Variants in SLC15A1 observed in about 807,000 individuals in gnomAD.
SLC15A1 encodes solute carrier family 15 member 1.
Under a neutral mutation model 92.9 loss-of-function variants are expected in SLC15A1, and 83 were observed. The ratio of observed to expected loss-of-function variants is 0.89; its 90% CI spans 0.75 to 1.07. SLC15A1 has a LOEUF of 1.07. Among genes scored for constraint, SLC15A1 ranks in the 50% least tolerant of loss-of-function variants. The pLI is 0.00. For synonymous variants in SLC15A1, 322 were observed against 318.2 expected (o/e 1.01, Z -0.13); for missense variants, 857 against 880.1 (o/e 0.97, Z 0.33).
intron 1 of SLC15A1, among the ~76,000 whole-genome samples, chr13:98,737,893 G>C (rs367691400): frequency 2.9e-4 from 44 of 152,314 alleles, no homozygotes; most frequent in African/African-American, 1.0e-3. Flanking sequence ...AAATGGTTGT[G>C]ATCAAAATGC....
chr13:98,708,744 C>A lies in SLC15A1; in HGVS notation c.1091G>T (p.Gly364Val), dbSNP rs2088136129. Residue 364 changes from glycine (G) to valine (V), a missense_variant, in exon 15 of 23, where the codon GGC (glycine) becomes GTC (valine). Coordinates refer to ENST00000376503, the MANE Select transcript of SLC15A1 (RefSeq NM_005073.4). ...AAAGGCCATGGAGGCCAGGACCATG[C>A]CAACTGCCATCTTCTTCAAGGAGCT... ...NFTSLKKMAVGMVLASMAFVV... is the reference protein window; with the variant it reads ...NFTSLKKMAVVMVLASMAFVV... 6.2e-7 allele frequency: 1 copy of A among 1,611,972 alleles called. No homozygotes were observed. The highest frequency in any genetic ancestry group is 1.1e-5 in the South Asian group (1 of 90,644).
In SLC15A1 at chr13:98,721,583, C is replaced by G. The variant is rs1317124874; in HGVS notation, c.468G>C (p.Glu156Asp). The change falls in exon 7 of 23, where the codon GAG becomes GAC. Residue 156 changes from glutamate (E) to aspartate (D), a missense_variant and splice_region_variant. Glu to Asp is a conservative substitution (Grantham distance 45). Transcript: ENST00000376503. ...TGGAAAAAAATCTGTTTCTTTGTTT[C>G]TCCTGCAATGAAAAGGAGAAAGTAA... ...FGGDQFEEGQ[E>D]KQRNRFFSIF... is the part of the protein sequence containing the mutation. 6.3e-7 allele frequency: 1 copy of G among 1,598,092 alleles called. No homozygotes were observed. Among genetic ancestry groups the G allele is most frequent in the Non-Finnish European group, 8.5e-7 (1 of 1,170,282 alleles).
At position 98,702,586 on chromosome 13, in the gene SLC15A1, G is replaced by A. The variant is rs549703224; in HGVS notation, c.1417-57C>T. 3.0e-5 allele frequency: 40 copies of A among 1,319,244 alleles called. No individual in the cohort carries two copies. The African/African-American group carries it at 4.4e-4, about 14-fold the overall frequency. 81.7% of individuals were successfully genotyped at this position (1,319,244 alleles called of 1,614,324 possible). A position where few individuals can be genotyped will look rare whatever the true frequency, so the allele number is the denominator to read the frequency against. Reference sequence around the variant, plus strand: ...TTCAAAATAATATTCATTAGAATGAGTTCAGATGAATATTTCAGTCTTTGA... The same window carrying A: ...TTCAAAATAATATTCATTAGAATGAATTCAGATGAATATTTCAGTCTTTGA... On this transcript the variant is annotated intron_variant, in intron 17 of 22. Transcript: ENST00000376503.
Position 98,718,300 on chromosome 13 carries a change from C to CTTTTTTTTTTT in SLC15A1, c.640+926_640+936dup, listed in dbSNP as rs532286337. ...ATCCAGCAGATTCTATCACCTTCAT[C>CTTTTTTTTTTT]TTTTTTTTTTTTTTTTTTTTTTTTT... On this transcript the variant is annotated intron_variant, in intron 8 of 22. Transcript: ENST00000376503. Among the ~76,000 whole-genome samples the CTTTTTTTTTTT allele has an allele frequency of 1.1e-4, 9 of 84,134 alleles. 2 individuals are homozygous for CTTTTTTTTTTT. The highest frequency in any genetic ancestry group is 3.9e-4 in the Admixed American group (3 of 7,736). The allele number at this position is 84,134 out of a possible 152,430, so 55.2% of individuals were successfully genotyped here.
At chr13:98,707,891 TAAAAAAAAAAAAA>T (rs745924829) in intron 15 of SLC15A1, among the ~76,000 whole-genome samples, 215 of 106,848 alleles carry the variant, frequency 2.0e-3, no homozygotes, top group Admixed American at 5.0e-3. Flanking sequence ...AGACCCTGTT[TAAAAAAAAAAAAA>T]AAAAAAAAAA....
chr13:98,741,016 T>C (rs545060342), intron 1 of SLC15A1, among the ~76,000 whole-genome samples: 14 of 152,330 alleles, frequency 9.2e-5, no homozygotes, highest in African/African-American at 3.1e-4. Flanking sequence ...TGCTTTTTTT[T>C]CTTCTTGGAT....
chr13:98,751,983 A>G (rs979490005), intron 1 of SLC15A1, among the ~76,000 whole-genome samples: 1 of 152,206 alleles, frequency 6.6e-6, no homozygotes, highest in African/African-American at 2.4e-5. Flanking sequence ...ATTAATTCGG[A>G]AGCGGGGCAG....
rs1319626698 is a variant in SLC15A1, at chr13:98,709,862, C to T, written c.945+5G>A. On this transcript the variant is annotated splice_donor_5th_base_variant and intron_variant, in intron 12 of 22. Transcript: ENST00000376503. Reference sequence around the variant, plus strand: ...AAGAAACTAAAACAAAGGAGTCAAACTTACGATTTTCCCGGACATAGTTGT... The same window carrying T: ...AAGAAACTAAAACAAAGGAGTCAAATTTACGATTTTCCCGGACATAGTTGT... 3 of 1,614,186 alleles carry T rather than the reference C, an allele frequency of 1.9e-6. No individual in the cohort carries two copies. Among genetic ancestry groups the T allele is most frequent in the Admixed American group, 3.3e-5 (2 of 60,024 alleles).
rs1050232604 is a variant in SLC15A1, at chr13:98,688,409, A to T, written c.1575-53T>A. 2.3e-5 allele frequency: 37 copies of T among 1,604,032 alleles called. No individual in the cohort carries two copies. In the African/African-American group the frequency reaches 4.0e-4, roughly 17 times the overall value. ...AACATTCTTGGCATTAAAAATTTCA[A>T]TGCATTTTTTAAAGAAAAATTCTTG... On this transcript the variant is annotated intron_variant, in intron 19 of 22. Coordinates refer to ENST00000376503, the MANE Select transcript of SLC15A1 (RefSeq NM_005073.4).
intron 1 of SLC15A1, among the ~76,000 whole-genome samples, chr13:98,746,472 A>G (rs1331921678): frequency 1.3e-5 from 2 of 152,160 alleles, no homozygotes; most frequent in Non-Finnish European, 2.9e-5. Flanking sequence ...TTACACTCCC[A>G]CCAGCAGTGT....
chr13:98,700,484 CAAAA>C (rs56342746), intron 18 of SLC15A1, among the ~76,000 whole-genome samples: 2 of 50,908 alleles, frequency 3.9e-5, no homozygotes, highest in African/African-American at 9.3e-5. Context: ...GACCCTGTCT[CAAAA>C]AAAAAAAAAA....
At chr13:98,695,188 A>G (rs1248054751) in intron 18 of SLC15A1, among the ~76,000 whole-genome samples, 1 of 152,214 alleles carries the variant, frequency 6.6e-6, no homozygotes, top group Admixed American at 6.5e-5. Flanking sequence ...ATAGACATAT[A>G]CATACGGAAC....
At chr13:98,724,972 GA>G (rs2088287324) in intron 4 of SLC15A1, among the ~76,000 whole-genome samples, 1 of 152,160 alleles carries the variant, frequency 6.6e-6, no homozygotes, top group African/African-American at 2.4e-5. Flanking sequence ...GGCCTGGTGG[GA>G]GGTGTGTGGG....
chr13:98,741,806 A>G (rs577889558), intron 1 of SLC15A1, among the ~76,000 whole-genome samples: 9 of 152,164 alleles, frequency 5.9e-5, no homozygotes, highest in African/African-American at 2.2e-4. Context: ...CCTCTAATCC[A>G]TAAACAAACA....
rs778030178 is a variant in SLC15A1, at chr13:98,726,365, T to C, written c.103+3A>G. The stretch of plus-strand genomic sequence containing the variant: ...AAGGGTGAGAAACGGCCAATACAGT[T>C]ACCTCGCATTCCATAGTAGGAAAAT... On this transcript the variant is annotated splice_donor_region_variant and intron_variant, in intron 3 of 22. Transcript: ENST00000376503. 13 of 1,614,186 alleles carry C rather than the reference T, an allele frequency of 8.1e-6. No homozygotes were observed. The highest frequency in any genetic ancestry group is 1.1e-5 in the South Asian group (1 of 91,082).
At position 98,711,028 on chromosome 13, in the gene SLC15A1, C is replaced by T. The variant is rs1729968977; in HGVS notation, c.900+826G>A. Among the ~76,000 whole-genome samples, 3 of 151,972 alleles carry T rather than the reference C, an allele frequency of 2.0e-5. No homozygotes were observed. The South Asian group carries it at 6.2e-4, about 32-fold the overall frequency. ...CCAGTGACCGGCTCCTGTCCGCATG[C>T]AGCACTGCCTCCCGGGTCTGTCTGA... On this transcript the variant is annotated intron_variant, in intron 11 of 22. Transcript: ENST00000376503.
intron 10 of SLC15A1, 46 bp from the exon 11 acceptor site, chr13:98,711,989 C>A (rs1475996613): frequency 2.1e-6 from 3 of 1,402,518 alleles, no homozygotes; most frequent in Non-Finnish European, 3.0e-6. Context: ...ACCCTGTGTC[C>A]TGTGCCACTC....
intron 1 of SLC15A1, among the ~76,000 whole-genome samples, chr13:98,750,112 C>T (rs1247070647): frequency 6.6e-6 from 1 of 151,608 alleles, no homozygotes; most frequent in Non-Finnish European, 1.5e-5. Context: ...ACACCCAAAG[C>T]AACATTTTTT....
At chr13:98,690,500 G>C (rs2087966042) in intron 18 of SLC15A1, among the ~76,000 whole-genome samples, 1 of 152,212 alleles carries the variant, frequency 6.6e-6, no homozygotes. Flanking sequence ...CGTTGGGCCT[G>C]AGGCCTGGCT....
Sources: allele counts gnomAD v4.1 joint callset (sites outside exome capture counted in the v4.1 genomes callset), GRCh38; gene constraint gnomAD v4.1.1; transcripts MANE v1.5; gene names NCBI Gene and HGNC (gene_info 2026-07-23, HGNC 2026-07-21).